The following PRKN variants were observed in gnomAD, a reference collection of about 807,000 sequenced individuals.
PRKN encodes E3 ubiquitin-protein ligase parkin.
In PRKN, 56 loss-of-function variants were observed where a neutral mutation model predicts 59.5. The observed-to-expected ratio is 0.94, with a 90% CI of 0.76 to 1.18. The LOEUF is 1.18. PRKN is among the 50% of genes most tolerant of loss of function. The probability of loss-of-function intolerance (pLI) is 0.00; values close to 1 mark genes in which losing one functional copy is unlikely to be tolerated. For synonymous variants in PRKN, 250 were observed against 222.1 expected (o/e 1.13, Z -1.12); for missense variants, 657 against 596.4 (o/e 1.10, Z -1.06).
intron 1 of PRKN, among the ~76,000 whole-genome samples, chr6:162,598,251 T>C (rs1203252203): frequency 2.6e-5 from 4 of 152,114 alleles, no homozygotes; most frequent in South Asian, 2.1e-4. Context: ...CAGGAAAAAA[T>C]AGGCTCCTAT....
In PRKN at chr6:161,466,246, C is replaced by T. The variant is rs566563831; in HGVS notation, c.1084-79369G>A. ...AGATCATTGATACTTACCTCTTCTG[C>T]TCAGTCTTCTGTTAACCTGTTGAAT... On this transcript the variant is annotated intron_variant, in intron 9 of 11. Transcript: ENST00000366898. The surrounding 1 kb of genome is among the most constrained non-coding windows in gnomAD (Gnocchi z 5.0). Among the ~76,000 whole-genome samples, 18 of 152,334 alleles carry T rather than the reference C, an allele frequency of 1.2e-4. No individual in the cohort carries two copies. In the East Asian group the frequency reaches 3.1e-3, roughly 26 times the overall value.
intron 6 of PRKN, among the ~76,000 whole-genome samples, chr6:161,870,774 T>A (rs749591854): frequency 6.6e-5 from 10 of 152,196 alleles, no homozygotes; most frequent in Non-Finnish European, 1.2e-4. Context: ...GCCAACTGTT[T>A]TCATGGACCT....
rs1787686496 is a variant in PRKN, at chr6:161,413,474, G to A, written c.1084-26597C>T. ...AGGACATAGGGATCTGGCCAGCTGG[G>A]AATGGAAGCCAAGTGGGCATGCTGC... On this transcript the variant is annotated intron_variant, in intron 9 of 11. Transcript: ENST00000366898. The surrounding 1 kb of genome is among the most constrained non-coding windows in gnomAD (Gnocchi z 4.4). Among the ~76,000 whole-genome samples the A allele has an allele frequency of 6.6e-6, 1 of 152,226 alleles. No individual in the cohort carries two copies. The highest frequency in any genetic ancestry group is 2.1e-4 in the South Asian group (1 of 4,828).
intron 1 of PRKN, among the ~76,000 whole-genome samples, chr6:162,510,864 G>A (rs540222035): frequency 2.6e-4 from 39 of 152,042 alleles, no homozygotes; most frequent in East Asian, 3.9e-4. Flanking sequence ...CAGAGGTTGC[G>A]GTGAGCCGAG....
chr6:161,885,537 C>T (rs1301507595), intron 6 of PRKN, among the ~76,000 whole-genome samples: 5 of 152,034 alleles, frequency 3.3e-5, no homozygotes, highest in Middle Eastern at 3.4e-3. Context: ...TGGTGGCGGG[C>T]CCCTGTAGTC....
intron 3 of PRKN, among the ~76,000 whole-genome samples, chr6:162,231,913 C>T (rs1269283184): frequency 6.6e-6 from 1 of 152,136 alleles, no homozygotes; most frequent in Non-Finnish European, 1.5e-5. Context: ...TCTGGCCCCA[C>T]CTCACTAATA....
At chr6:162,726,181 C>G (rs1779172689) in intron 1 of PRKN, among the ~76,000 whole-genome samples, 1 of 152,138 alleles carries the variant, frequency 6.6e-6, no homozygotes, top group African/African-American at 2.4e-5. Flanking sequence ...ATCTTAAGTG[C>G]TTGTCTTTAT....
In PRKN at chr6:161,592,861, G is replaced by T. The variant is rs1274075214; in HGVS notation, c.872-23445C>A. Among the ~76,000 whole-genome samples, 1 of 152,168 alleles carries T rather than the reference G, an allele frequency of 6.6e-6. No individual in the cohort carries two copies. The highest frequency in any genetic ancestry group is 2.4e-5 in the African/African-American group (1 of 41,456). ...CAGGAGGTCACCGCAGGACCTGAAG[G>T]AAATGACTCCTGGCCAGGGGCCAGA... On this transcript the variant is annotated intron_variant, in intron 7 of 11. Transcript: ENST00000366898. This position sits in a 1 kb window ranked among gnomAD's most constrained non-coding sequence, Gnocchi z 4.8.
At chr6:161,718,849 T>C (rs1281682409) in intron 7 of PRKN, among the ~76,000 whole-genome samples, 2 of 152,194 alleles carry the variant, frequency 1.3e-5, no homozygotes, top group Non-Finnish European at 2.9e-5. Flanking sequence ...AAAAAAAATT[T>C]AAGAATAACT....
chr6:162,021,120 AT>A (rs58797537), intron 5 of PRKN, among the ~76,000 whole-genome samples: 147 of 1,510 alleles, frequency 0.097, 10 homozygotes, highest in South Asian at 0.17. Flanking sequence ...AAACAAAAAC[AT>A]ATATATATAT....
At chr6:162,469,866 C>CA (rs1324053920) in intron 1 of PRKN, among the ~76,000 whole-genome samples, 3 of 151,870 alleles carry the variant, frequency 2.0e-5, no homozygotes, top group Admixed American at 2.0e-4. Context: ...ACCTGTTCCC[C>CA]AAAAACCTAT....
chr6:161,632,708 G>C (rs1783361364), intron 7 of PRKN, among the ~76,000 whole-genome samples: 1 of 152,140 alleles, frequency 6.6e-6, no homozygotes, highest in Non-Finnish European at 1.5e-5. Context: ...CACAGCTCTG[G>C]GGAGGCCTCA....
At chr6:162,368,676 A>G (rs1294690451) in intron 2 of PRKN, among the ~76,000 whole-genome samples, 1 of 152,194 alleles carries the variant, frequency 6.6e-6, no homozygotes, top group African/African-American at 2.4e-5. Context: ...TCTAGGAAAG[A>G]AAGGCAAAGG....
rs1369533556 is a variant in PRKN, at chr6:161,457,211, A to G, written c.1084-70334T>C. 6.6e-6 allele frequency among the ~76,000 whole-genome samples: 1 copy of G among 152,222 alleles called. No homozygotes were observed. The highest frequency in any genetic ancestry group is 1.5e-5 in the Non-Finnish European group (1 of 68,040). ...TTTTGTAATAAAGCCAAGGCTAATA[A>G]TAATGCATTCCATTACTTTTCCTAC... On this transcript the variant is annotated intron_variant, in intron 9 of 11. Transcript: ENST00000366898. This position sits in a 1 kb window ranked among gnomAD's most constrained non-coding sequence, Gnocchi z 5.0.
chr6:162,098,690 C>T (rs994533604), intron 4 of PRKN, among the ~76,000 whole-genome samples: 4 of 152,220 alleles, frequency 2.6e-5, no homozygotes, highest in Non-Finnish European at 4.4e-5. Context: ...AAAATTTCTA[C>T]ATTATTCCTA....
At chr6:161,942,192 G>A (rs971882746) in intron 6 of PRKN, among the ~76,000 whole-genome samples, 1 of 152,034 alleles carries the variant, frequency 6.6e-6, no homozygotes, top group African/African-American at 2.4e-5. Context: ...GAAAGGCTGG[G>A]CATTTTACTC....
intron 2 of PRKN, among the ~76,000 whole-genome samples, chr6:162,407,677 A>C (rs1337506705): frequency 6.6e-6 from 1 of 152,178 alleles, no homozygotes; most frequent in African/African-American, 2.4e-5. Flanking sequence ...TAAAATGTGA[A>C]TGAAGGGCTA....
rs1379550323 is a variant in PRKN, at chr6:162,486,780, T to C, written c.8-43307A>G. Among the ~76,000 whole-genome samples the C allele has an allele frequency of 3.9e-5, 6 of 152,010 alleles. No individual in the cohort carries two copies. The East Asian group carries it at 1.2e-3, about 29-fold the overall frequency. Reference sequence around the variant, plus strand: ...ACACATCAGTACTCTCATATAAAAGTAGATTTTGGCCAGGCGTGGTGGCTC... The same window carrying C: ...ACACATCAGTACTCTCATATAAAAGCAGATTTTGGCCAGGCGTGGTGGCTC... On this transcript the variant is annotated intron_variant, in intron 1 of 11. Coordinates refer to ENST00000366898, the MANE Select transcript of PRKN (RefSeq NM_004562.3).
chr6:161,893,276 G>T (rs1777486054), intron 6 of PRKN, among the ~76,000 whole-genome samples: 1 of 152,194 alleles, frequency 6.6e-6, no homozygotes. Context: ...GGATTTTACT[G>T]AGTGATTGAA....
Sources: gnomAD v4.1 joint callset for allele counts (sites outside exome capture counted in the v4.1 genomes callset) on GRCh38, gnomAD v4.1.1 for gene constraint, Gnocchi (gnomAD v3.1) non-coding constraint, MANE v1.5 for transcripts, NCBI Gene and HGNC (gene_info 2026-07-23, HGNC 2026-07-21) for gene names.